The following TMEM178B variants were observed in gnomAD, a reference collection of about 807,000 sequenced individuals.
The protein encoded by TMEM178B is transmembrane protein 178B.
A neutral mutation model predicts 31.0 loss-of-function variants in TMEM178B; 5 were observed. The ratio of observed to expected loss-of-function variants is 0.16; its 90% CI spans 0.08 to 0.34. The LOEUF is 0.34. TMEM178B is among the 10% of genes least tolerant of loss of function. The pLI, the probability that TMEM178B is intolerant of heterozygous loss-of-function variation, is 1.00. For synonymous variants in TMEM178B, 164 were observed against 164.0 expected, an observed-to-expected ratio of 1.00 and a Z score of 0.00; for missense variants, 275 against 400.3, an observed-to-expected ratio of 0.69 and a Z score of 2.67.
At chr7:141,105,153 G>A (rs947041214) in intron 1 of TMEM178B, among the ~76,000 whole-genome samples, 8 of 152,144 alleles carry the variant, frequency 5.3e-5, no homozygotes, top group African/African-American at 1.9e-4. Flanking sequence ...AAAAGGAAGG[G>A]CCAGCTGGCT....
chr7:141,396,708 C>A (rs1415512578), intron 2 of TMEM178B, among the ~76,000 whole-genome samples: 4 of 152,178 alleles, frequency 2.6e-5, no homozygotes, highest in Non-Finnish European at 4.4e-5. Flanking sequence ...GAACAAGACA[C>A]AGACAGTGGG....
chr7:141,346,743 TGTGTGGTAC>T (rs1444721689), intron 2 of TMEM178B, among the ~76,000 whole-genome samples: 3 of 152,234 alleles, frequency 2.0e-5, no homozygotes, highest in Non-Finnish European at 2.9e-5. Context: ...ATACCAACAG[TGTGTGGTAC>T]ACACACAAAC....
intron 1 of TMEM178B, among the ~76,000 whole-genome samples, chr7:141,079,651 T>C (rs1212374340): frequency 6.6e-6 from 1 of 152,188 alleles, no homozygotes; most frequent in Non-Finnish European, 1.5e-5. Context: ...TCTCACAAGC[T>C]TCTCCCTTCT....
the TMEM178B span, among the ~76,000 whole-genome samples, chr7:141,502,498 G>C: frequency 4.6e-5 from 7 of 152,224 alleles, no homozygotes; most frequent in Admixed American, 3.3e-4. Context: ...CTGGCTGGGC[G>C]TGGTGGCTCA....
At chr7:141,253,847 C>T (rs764160193) in intron 2 of TMEM178B, among the ~76,000 whole-genome samples, 9 of 152,138 alleles carry the variant, frequency 5.9e-5, no homozygotes, top group Non-Finnish European at 4.4e-5. Context: ...CCACCGCGCC[C>T]GGCCCCCTTC....
In TMEM178B at chr7:141,194,408, C is replaced by CT. The variant is rs1213585516; in HGVS notation, c.383-18182dup. ...TGGGAGAAATTGGCCAAAACAAGGGCTACAGGGTCCACCCAAGTCTGAAAT... is the reference window on the plus strand; with the variant it reads ...TGGGAGAAATTGGCCAAAACAAGGGCTTACAGGGTCCACCCAAGTCTGAAAT... On this transcript the variant is annotated intron_variant, in intron 1 of 3. Transcript: ENST00000565468. Among the ~76,000 whole-genome samples, 3 of 152,174 alleles carry CT rather than the reference C, an allele frequency of 2.0e-5. No homozygotes were observed. In the East Asian group the frequency reaches 5.8e-4, roughly 29 times the overall value.
chr7:141,431,199 C>T (rs1268673924), intron 2 of TMEM178B: 2 of 151,724 alleles, frequency 1.3e-5, no homozygotes, highest in African/African-American at 4.8e-5. Flanking sequence ...AAAAAAAATC[C>T]CAGTCATCAT....
intron 2 of TMEM178B, among the ~76,000 whole-genome samples, chr7:141,269,302 G>A (rs971243575): frequency 6.6e-6 from 1 of 151,916 alleles, no homozygotes; most frequent in Non-Finnish European, 1.5e-5. Context: ...CGCTGGCCAG[G>A]CTGGTTTTGA....
At chr7:141,208,397 A>C (rs1455704119) in intron 1 of TMEM178B, among the ~76,000 whole-genome samples, 5 of 152,090 alleles carry the variant, frequency 3.3e-5, no homozygotes, top group Non-Finnish European at 5.9e-5. Flanking sequence ...GCTGCAGGAA[A>C]ACCTGTTTGT....
rs534635059 is a variant in TMEM178B, at chr7:141,153,056, C to CA, written c.383-59534dup. On this transcript the variant is annotated intron_variant, in intron 1 of 3. Coordinates refer to ENST00000565468, the MANE Select transcript of TMEM178B (RefSeq NM_001195278.2). ...ACCAAAAATTAAACCAAGGCCTGAA[C>CA]ACTTAACTGTTCTTCTTTCAGATGA... Among the ~76,000 whole-genome samples, 91 of 152,270 alleles carry CA rather than the reference C, an allele frequency of 6.0e-4. 1 individual carries two copies. The highest frequency in any genetic ancestry group is 2.0e-3 in the African/African-American group (85 of 41,556).
intron 2 of TMEM178B, among the ~76,000 whole-genome samples, chr7:141,215,334 A>ATTTTTTTTTTT (rs779584995): frequency 1.9e-4 from 11 of 59,134 alleles, no homozygotes; most frequent in African/African-American, 4.5e-4. Context: ...TATTATTATT[A>ATTTTTTTTTTT]TTATTTTTTG....
intron 2 of TMEM178B, among the ~76,000 whole-genome samples, chr7:141,315,151 T>G (rs1406620737): frequency 6.6e-6 from 1 of 152,232 alleles, no homozygotes; most frequent in Non-Finnish European, 1.5e-5. Flanking sequence ...GTTCCTTACC[T>G]GTCTCAGTCT....
chr7:141,185,938 C>G (rs1303269298), intron 1 of TMEM178B, among the ~76,000 whole-genome samples: 1 of 152,096 alleles, frequency 6.6e-6, no homozygotes, highest in African/African-American at 2.4e-5. Context: ...TGTAGATGAA[C>G]TTAATTGTGA....
At chr7:141,362,847 T>G (rs1332609279) in intron 2 of TMEM178B, among the ~76,000 whole-genome samples, 1 of 152,216 alleles carries the variant, frequency 6.6e-6, no homozygotes, top group East Asian at 1.9e-4. Flanking sequence ...CCATTTCTCC[T>G]GGAGCGACAG....
At chr7:141,286,166 T>C (rs1798444978) in intron 2 of TMEM178B, among the ~76,000 whole-genome samples, 1 of 152,144 alleles carries the variant, frequency 6.6e-6, no homozygotes, top group Non-Finnish European at 1.5e-5. Context: ...ACTTACATCA[T>C]AAATTATCAA....
intron 1 of TMEM178B, among the ~76,000 whole-genome samples, chr7:141,076,922 T>C (rs1327285011): frequency 6.6e-6 from 1 of 152,228 alleles, no homozygotes; most frequent in Non-Finnish European, 1.5e-5. Context: ...TTGAGATAGA[T>C]GACATGCCAG....
intron 2 of TMEM178B, among the ~76,000 whole-genome samples, chr7:141,225,494 G>C (rs1162876687): frequency 6.6e-6 from 1 of 151,924 alleles, no homozygotes. Context: ...AGTTAAATAG[G>C]CTTTTGTGGA....
At chr7:141,296,863 C>A (rs1459497015) in intron 2 of TMEM178B, among the ~76,000 whole-genome samples, 1 of 152,220 alleles carries the variant, frequency 6.6e-6, no homozygotes, top group African/African-American at 2.4e-5. Flanking sequence ...CCTTTGCAGG[C>A]TACAGGGTCT....
intron 2 of TMEM178B, 90 bp from the exon 3 acceptor site, chr7:141,437,518 C>T: frequency 1.3e-6 from 2 of 1,482,452 alleles, no homozygotes; most frequent in East Asian, 2.5e-5. Context: ...GAGGGCCACT[C>T]CCTCTCTGCA....
Sources: gnomAD v4.1 joint callset for allele counts (sites outside exome capture counted in the v4.1 genomes callset) on GRCh38, gnomAD v4.1.1 for gene constraint, MANE v1.5 for transcripts, NCBI Gene and HGNC (gene_info 2026-07-23, HGNC 2026-07-21) for gene names.